The following ABHD17C variants were observed in gnomAD, a reference collection of about 807,000 sequenced individuals.
The protein encoded by ABHD17C is abhydrolase domain containing 17C, depalmitoylase.
ABHD17C carries 11 observed loss-of-function variants against 27.9 expected under a neutral mutation model. The ratio of observed to expected loss-of-function variants is 0.39; its 90% CI spans 0.25 to 0.65. The LOEUF (loss-of-function observed/expected upper bound fraction) is 0.65, where lower values mean the gene tolerates loss of function less well. Among genes scored for constraint, ABHD17C ranks in the 30% least tolerant of loss-of-function variants. The pLI is 0.45. For missense variants in ABHD17C, 280 were observed against 470.2 expected (o/e 0.60, Z 3.74); for synonymous variants, 233 against 209.1 (o/e 1.11, Z -0.98).
At chr15:80,731,888 G>A (rs1021320113) in intron 1 of ABHD17C, among the ~76,000 whole-genome samples, 1 of 152,128 alleles carries the variant, frequency 6.6e-6, no homozygotes, top group African/African-American at 2.4e-5. Context: ...CATAAAGGTT[G>A]CCATTTTAAC....
chr15:80,738,337 A>G (rs139880638), intron 1 of ABHD17C, among the ~76,000 whole-genome samples: 44 of 152,314 alleles, frequency 2.9e-4, no homozygotes, highest in African/African-American at 1.1e-3. Flanking sequence ...TGGGCAGCCA[A>G]GGTCCCTGTG....
At chr15:80,698,951 C>G (rs1432168717) in intron 1 of ABHD17C, among the ~76,000 whole-genome samples, 1 of 152,206 alleles carries the variant, frequency 6.6e-6, no homozygotes, top group African/African-American at 2.4e-5. Context: ...ATTATTCCCC[C>G]AGGAGGACTG....
intron 1 of ABHD17C, among the ~76,000 whole-genome samples, chr15:80,724,031 T>C (rs1051185264): frequency 6.6e-6 from 1 of 151,986 alleles, no homozygotes; most frequent in Admixed American, 6.6e-5. Flanking sequence ...GGTGAAACCC[T>C]GTCTCTACTG....
At chr15:80,751,365 GA>G (rs985747101) in intron 2 of ABHD17C, among the ~76,000 whole-genome samples, 14 of 146,800 alleles carry the variant, frequency 9.5e-5, no homozygotes, top group Middle Eastern at 3.5e-3. Context: ...GTCTCCAAAG[GA>G]AAAAAAAAAG....
At chr15:80,722,988 A>T (rs1894919156) in intron 1 of ABHD17C, among the ~76,000 whole-genome samples, 1 of 152,200 alleles carries the variant, frequency 6.6e-6, no homozygotes. Context: ...AGCAATGCAC[A>T]ACTTGTGGAT....
In ABHD17C at chr15:80,754,513, A is replaced by T. The variant is rs1243880614; in HGVS notation, c.*143A>T. ...GGTGTTCTAATCAAAGAGCTGATGA[A>T]ATCTCAGTCTTTTGTATCTAGAGGT... On this transcript the variant is annotated 3_prime_UTR_variant, in exon 3 of 3. Coordinates refer to ENST00000258884, the MANE Select transcript of ABHD17C (RefSeq NM_021214.2). 3 of 674,494 alleles carry T rather than the reference A, an allele frequency of 4.4e-6. No homozygotes were observed. The highest frequency in any genetic ancestry group is 7.4e-6 in the Non-Finnish European group (3 of 405,626). 41.8% of individuals were successfully genotyped at this position (674,494 alleles called of 1,614,324 possible).
intron 1 of ABHD17C, among the ~76,000 whole-genome samples, chr15:80,749,084 A>G (rs1895330932): frequency 6.6e-6 from 1 of 152,172 alleles, no homozygotes; most frequent in Non-Finnish European, 1.5e-5. Flanking sequence ...TTGTATCATG[A>G]TAACTTTGCT....
chr15:80,705,929 T>G (rs1450447652), intron 1 of ABHD17C, among the ~76,000 whole-genome samples: 2 of 152,192 alleles, frequency 1.3e-5, no homozygotes, highest in Admixed American at 1.3e-4. Flanking sequence ...TGCAGTTACT[T>G]TGCAAACCAT....
intron 1 of ABHD17C, among the ~76,000 whole-genome samples, chr15:80,697,567 C>G (rs141900545): frequency 3.0e-4 from 45 of 152,164 alleles, no homozygotes; most frequent in African/African-American, 1.1e-3. Context: ...ACCCTTTGCC[C>G]CAAATATACA....
At chr15:80,730,978 A>G (rs1282968405) in intron 1 of ABHD17C, among the ~76,000 whole-genome samples, 1 of 152,222 alleles carries the variant, frequency 6.6e-6, no homozygotes, top group East Asian at 1.9e-4. Context: ...TGTACACTAC[A>G]TAGTATTTTA....
At chr15:80,742,088 T>C (rs1216432169) in intron 1 of ABHD17C, among the ~76,000 whole-genome samples, 1 of 152,218 alleles carries the variant, frequency 6.6e-6, no homozygotes, top group Non-Finnish European at 1.5e-5. Flanking sequence ...CTGTAGGTAA[T>C]TGAAACCGTG....
intron 2 of ABHD17C, among the ~76,000 whole-genome samples, chr15:80,751,652 G>A (rs1441342190): frequency 6.6e-6 from 1 of 152,208 alleles, no homozygotes; most frequent in Admixed American, 6.5e-5. Context: ...GGAGGCTGGG[G>A]TGGGAAGATT....
At chr15:80,716,851 C>T (rs1424944005) in intron 1 of ABHD17C, among the ~76,000 whole-genome samples, 1 of 152,180 alleles carries the variant, frequency 6.6e-6, no homozygotes, top group East Asian at 1.9e-4. Flanking sequence ...AAATTCTTCA[C>T]CATCCATGTC....
chr15:80,726,771 C>T (rs567435546), intron 1 of ABHD17C, among the ~76,000 whole-genome samples: 32 of 152,156 alleles, frequency 2.1e-4, no homozygotes, highest in African/African-American at 4.8e-4. Context: ...GTGATCCGCC[C>T]GCCTCAGCCT....
rs1159003819 is a variant in ABHD17C, at chr15:80,695,807, C to T, written c.378C>T (p.Arg126=). The T allele has an allele frequency of 1.5e-5, 24 of 1,556,956 alleles. No homozygotes were observed. The Middle Eastern group carries it at 5.5e-4, about 36-fold the overall frequency. ...ACCGGCTCGGCTGCATGTTCGTGCG[C>T]TGCGCGCCCTCCAGCCGCTACACGC... ...RDNRLGCMFV[R]CAPSSRYTLL... Residue 126 remains arginine, a synonymous_variant, in exon 1 of 3, where the codon CGC becomes CGT. Coordinates refer to ENST00000258884, the MANE Select transcript of ABHD17C (RefSeq NM_021214.2). The surrounding 1 kb of genome is among the most constrained non-coding windows in gnomAD (Gnocchi z 4.3).
intron 1 of ABHD17C, among the ~76,000 whole-genome samples, chr15:80,726,501 G>GTTTGTTTTTTTTTTTTT (rs1894978114): frequency 2.1e-5 from 2 of 94,500 alleles, no homozygotes; most frequent in African/African-American, 1.1e-4. Context: ...TCTTTTTCTG[G>GTTTGTTTTTTTTTTTTT]TTTTTTTTTT....
At chr15:80,730,861 A>G (rs748875245) in intron 1 of ABHD17C, among the ~76,000 whole-genome samples, 2 of 152,180 alleles carry the variant, frequency 1.3e-5, no homozygotes, top group Non-Finnish European at 2.9e-5. Context: ...GCACGTGGCT[A>G]GCTGGGTATT....
intron 1 of ABHD17C, among the ~76,000 whole-genome samples, chr15:80,706,471 G>T (rs370193423): frequency 6.6e-6 from 1 of 152,132 alleles, no homozygotes; most frequent in African/African-American, 2.4e-5. Context: ...GTAGAGAACC[G>T]CCAGTACTGA....
rs1895415655 is a variant in ABHD17C, at chr15:80,755,057, G to A, written c.*687G>A. On this transcript the variant is annotated 3_prime_UTR_variant, in exon 3 of 3. Coordinates refer to ENST00000258884, the MANE Select transcript of ABHD17C (RefSeq NM_021214.2). Reference sequence around the variant, plus strand: ...TCTGGTTGGTTTAACAAAGAGCCTAGCTGACTTTCCTTCTGTAAAGTCCTC... The same window carrying A: ...TCTGGTTGGTTTAACAAAGAGCCTAACTGACTTTCCTTCTGTAAAGTCCTC... The A allele has an allele frequency of 1.3e-5, 2 of 152,106 alleles. No individual in the cohort carries two copies. Among genetic ancestry groups the A allele is most frequent in the East Asian group, 3.9e-4 (2 of 5,194 alleles). 9.4% of individuals were successfully genotyped at this position (152,106 alleles called of 1,614,324 possible).
Sources: gnomAD v4.1 joint callset for allele counts (sites outside exome capture counted in the v4.1 genomes callset) on GRCh38, gnomAD v4.1.1 for gene constraint, Gnocchi (gnomAD v3.1) non-coding constraint, MANE v1.5 for transcripts, NCBI Gene and HGNC (gene_info 2026-07-23, HGNC 2026-07-21) for gene names.